Variants in TRPM8 observed in about 807,000 individuals in gnomAD.
TRPM8 encodes the protein TRPM8 cationic channel.
Under a neutral mutation model 133.7 loss-of-function variants are expected in TRPM8, and 110 were observed. The observed-to-expected ratio is 0.82, with a 90% CI of 0.70 to 0.96. The LOEUF is 0.96. TRPM8 is among the 40% of genes least tolerant of loss of function. The pLI, the probability that TRPM8 is intolerant of heterozygous loss-of-function variation, is 0.00. For synonymous variants in TRPM8, 535 were observed against 532.3 expected, an observed-to-expected ratio of 1.01 and a Z score of -0.07; for missense variants, 1,291 against 1,379.5, an observed-to-expected ratio of 0.94 and a Z score of 1.02.
chr2:233,928,901 G>C (rs1691624307), intron 2 of TRPM8, among the ~76,000 whole-genome samples: 1 of 151,264 alleles, frequency 6.6e-6, no homozygotes. Flanking sequence ...TATGACTTGA[G>C]TATATGTATC....
intron 7 of TRPM8, 149 bp from the exon 8 acceptor site, chr2:233,946,939 T>C (rs1691058219): frequency 3.0e-6 from 2 of 657,146 alleles, no homozygotes; most frequent in Non-Finnish European, 2.7e-6. Flanking sequence ...CCGTCTTTAA[T>C]GAGTGGATAA....
rs1007795688 is a variant in TRPM8 at position 233,930,000 on chromosome 2, C to T, written c.118-668C>T. On this transcript the variant is annotated intron_variant, in intron 2 of 25. Transcript: ENST00000324695. ...TTGTCTTTGGCCATTTTTTTCCCAT[C>T]GGATTGTCTGTCTCATTCTTACTGA... Among the ~76,000 whole-genome samples, 9 of 152,250 alleles carry T rather than the reference C, an allele frequency of 5.9e-5. No individual in the cohort carries two copies. The East Asian group carries it at 9.7e-4, about 16-fold the overall frequency.
At chr2:234,014,716 A>G in intron 25 of TRPM8, 62 bp downstream of exon 25, 1 of 624,050 alleles carries the variant, frequency 1.6e-6, no homozygotes, top group South Asian at 2.5e-5. Context: ...AGACTAATTT[A>G]AGATCATGAT....
At chr2:233,966,404 G>A (rs1574735828) in intron 14 of TRPM8, among the ~76,000 whole-genome samples, 1 of 152,204 alleles carries the variant, frequency 6.6e-6, no homozygotes, top group East Asian at 1.9e-4. Flanking sequence ...CTGCCATCAG[G>A]AGCTCTGCTG....
intron 8 of TRPM8, among the ~76,000 whole-genome samples, 197 bp from the exon 9 acceptor site, chr2:233,949,752 A>G (rs371236921): frequency 2.0e-5 from 3 of 152,374 alleles, no homozygotes; most frequent in South Asian, 4.1e-4. Flanking sequence ...ACAAGATTTC[A>G]TAAAGCAGAT....
chr2:233,969,771 T>C lies in TRPM8; in HGVS notation c.2102T>C (p.Ile701Thr), dbSNP rs200853140. The change falls in exon 16 of 26, where the codon ATT becomes ACT. Residue 701 changes from isoleucine (I) to threonine (T), a missense_variant. Ile to Thr is a moderately conservative substitution (Grantham distance 89). Transcript: ENST00000324695. Reference sequence around the variant, plus strand: ...TGGAAGATTATCCTGTGTCTGTTTATTATACCCTTGGTGGGCTGTGGCTTT... The same window carrying C: ...TGGAAGATTATCCTGTGTCTGTTTACTATACCCTTGGTGGGCTGTGGCTTT... ...KNWKIILCLFIIPLVGCGFVS... is the reference protein window; with the variant it reads ...KNWKIILCLFTIPLVGCGFVS... 1 of 1,613,868 alleles carries C rather than the reference T, an allele frequency of 6.2e-7. No homozygotes were observed. The highest frequency in any genetic ancestry group is 8.5e-7 in the Non-Finnish European group (1 of 1,179,728).
Position 233,938,937 on chromosome 2 carries a change from C to A in TRPM8, c.349-61C>A, listed in dbSNP as rs904347420. 5 of 1,565,520 alleles carry A rather than the reference C, an allele frequency of 3.2e-6. No individual in the cohort carries two copies. The African/African-American group carries it at 6.8e-5, about 21-fold the overall frequency. On this transcript the variant is annotated intron_variant, in intron 4 of 25. Coordinates refer to ENST00000324695, the MANE Select transcript of TRPM8 (RefSeq NM_024080.5). ...TGGGCTTGGAAGTTGGGAGGGAATG[C>A]TAAACCCCGACCTCAGGAGAACACA...
chr2:233,932,572 G>C (rs968464283), intron 3 of TRPM8, among the ~76,000 whole-genome samples: 1 of 152,100 alleles, frequency 6.6e-6, no homozygotes, highest in Non-Finnish European at 1.5e-5. Context: ...CTAGTGGAAG[G>C]GGAAGTAGAT....
intron 9 of TRPM8, 53 bp from the exon 10 acceptor site, chr2:233,953,864 G>C: frequency 7.2e-7 from 1 of 1,383,754 alleles, no homozygotes; most frequent in Non-Finnish European, 1.0e-6. Context: ...AGAAGTTTAT[G>C]CTCCTCATGC....
chr2:233,965,466 C>T (rs1159589052), intron 14 of TRPM8, among the ~76,000 whole-genome samples: 1 of 152,216 alleles, frequency 6.6e-6, no homozygotes, highest in African/African-American at 2.4e-5. Context: ...GCCCTTTGCA[C>T]AGAGGCCTCG....
chr2:233,921,602 G>A (rs1001302407), intron 1 of TRPM8, among the ~76,000 whole-genome samples: 1 of 152,086 alleles, frequency 6.6e-6, no homozygotes, highest in Non-Finnish European at 1.5e-5. Context: ...GGCAAAGCCA[G>A]AGGTGCCGAA....
intron 25 of TRPM8, among the ~76,000 whole-genome samples, chr2:234,015,184 G>A (rs1692929298): frequency 6.6e-6 from 1 of 152,168 alleles, no homozygotes. Flanking sequence ...CAATAAAAAT[G>A]CAATTCAATT....
At chr2:233,931,810 G>T (rs1691684581) in intron 3 of TRPM8, among the ~76,000 whole-genome samples, 1 of 152,214 alleles carries the variant, frequency 6.6e-6, no homozygotes, top group African/African-American at 2.4e-5. Context: ...TGTAAGCTTT[G>T]TAAGACCACT....
In TRPM8 at chr2:233,947,116, T is replaced by A. The variant is rs747361503; in HGVS notation, c.903T>A (p.Ile301=). The change falls in exon 8 of 26, where the codon ATT becomes ATA. Residue 301 remains isoleucine (I), a synonymous_variant. Coordinates refer to ENST00000324695, the MANE Select transcript of TRPM8 (RefSeq NM_024080.5). The part of the protein sequence containing the change: ...QDSNYGGKIP[I]VCFAQGGGKE... ...CCAACTATGGTGGCAAGATCCCCAT[T>A]GTGTGTTTTGCCCAAGGAGGTGGAA... 1.2e-6 allele frequency: 2 copies of A among 1,614,114 alleles called. No individual in the cohort carries two copies. Among genetic ancestry groups the A allele is most frequent in the Admixed American group, 3.3e-5 (2 of 60,022 alleles).
intron 6 of TRPM8, among the ~76,000 whole-genome samples, chr2:233,943,969 G>A (rs946830056): frequency 6.6e-6 from 1 of 151,988 alleles, no homozygotes. Context: ...GAGAGTGGGA[G>A]GTGTTTTTTT....
intron 10 of TRPM8, among the ~76,000 whole-genome samples, chr2:233,954,685 G>T (rs550027690): frequency 2.0e-5 from 3 of 152,284 alleles, no homozygotes; most frequent in East Asian, 3.9e-4. Flanking sequence ...GGTTATAAAG[G>T]TATTTATTAA....
chr2:234,006,825 G>A lies in TRPM8; in HGVS notation c.3131-28G>A, dbSNP rs571459273. On this transcript the variant is annotated intron_variant, in intron 22 of 25. Coordinates refer to ENST00000324695, the MANE Select transcript of TRPM8 (RefSeq NM_024080.5). Reference sequence around the variant, plus strand: ...AAGCAAGGGGCAAATGAAACAATTTGAATGTTTTCTTTTTCTCATTATTCA... The same window carrying A: ...AAGCAAGGGGCAAATGAAACAATTTAAATGTTTTCTTTTTCTCATTATTCA... The A allele has an allele frequency of 1.2e-5, 19 of 1,541,324 alleles. No homozygotes were observed. In the African/African-American group the frequency reaches 2.5e-4, roughly 20 times the overall value.
At chr2:233,996,990 C>T (rs1012846747) in intron 22 of TRPM8, among the ~76,000 whole-genome samples, 2 of 152,168 alleles carry the variant, frequency 1.3e-5, no homozygotes, top group Non-Finnish European at 2.9e-5. Context: ...TGTGGCCAGG[C>T]GTGGTGGCTC....
At chr2:233,983,476 T>C (rs1559541258) in intron 20 of TRPM8, 42 of 490,080 alleles carry the variant, frequency 8.6e-5, no homozygotes, top group South Asian at 8.1e-4. Flanking sequence ...GTATTTTCAA[T>C]TAACAATGTG....
Sources: allele counts gnomAD v4.1 joint callset (sites outside exome capture counted in the v4.1 genomes callset), GRCh38; gene constraint gnomAD v4.1.1; transcripts MANE v1.5; gene names NCBI Gene and HGNC (gene_info 2026-07-23, HGNC 2026-07-21).